PLEKHA2: variants seen among roughly 807,000 people sequenced by gnomAD.
The protein encoded by PLEKHA2 is pleckstrin homology domain-containing family A member 2.
In PLEKHA2, 28 loss-of-function variants were observed where a neutral mutation model predicts 53.2. The observed-to-expected ratio is 0.53, with a 90% CI of 0.39 to 0.72. PLEKHA2 has a LOEUF of 0.72. Ranked by LOEUF, PLEKHA2 falls within the 30% of genes least tolerant of loss-of-function variation. The pLI, the probability that PLEKHA2 is intolerant of heterozygous loss-of-function variation, is 0.00. For synonymous variants in PLEKHA2, 193 were observed against 196.4 expected (o/e 0.98, Z 0.14); for missense variants, 426 against 537.9 (o/e 0.79, Z 2.06).
At chr8:38,905,754 G>A (rs993631129) in intron 1 of PLEKHA2, among the ~76,000 whole-genome samples, 3 of 144,364 alleles carry the variant, frequency 2.1e-5, no homozygotes, top group Admixed American at 7.3e-5. Context: ...GCGCTATCTC[G>A]GCTCACTGCA....
At chr8:38,905,578 GA>G (rs934852867) in intron 1 of PLEKHA2, among the ~76,000 whole-genome samples, 17 of 151,820 alleles carry the variant, frequency 1.1e-4, no homozygotes, top group African/African-American at 4.1e-4. Flanking sequence ...GTCTTTAGAG[GA>G]ACAGAGCTAG....
At chr8:38,957,958 C>T (rs1834971629) in intron 10 of PLEKHA2, among the ~76,000 whole-genome samples, 1 of 152,214 alleles carries the variant, frequency 6.6e-6, no homozygotes, top group East Asian at 1.9e-4. Context: ...CAAGTCCTAA[C>T]CCAGCTTGCC....
At chr8:38,952,911 T>G (rs1392772287) in intron 8 of PLEKHA2, among the ~76,000 whole-genome samples, 1 of 152,336 alleles carries the variant, frequency 6.6e-6, no homozygotes, top group Non-Finnish European at 1.5e-5. Context: ...GTCAGAGTCA[T>G]AGCTACACAA....
intron 9 of PLEKHA2, among the ~76,000 whole-genome samples, chr8:38,954,304 T>C (rs950376236): frequency 6.6e-6 from 1 of 150,954 alleles, no homozygotes; most frequent in African/African-American, 2.4e-5. Context: ...ACTGGGGAGG[T>C]TCCCAGTGAC....
At chr8:38,951,019 G>T (rs756894676) in intron 6 of PLEKHA2, 29 bp downstream of exon 6, 32 of 1,599,626 alleles carry the variant, frequency 2.0e-5, no homozygotes, top group Non-Finnish European at 2.6e-5. Flanking sequence ...GCTGCGGGGG[G>T]AGTGGGGGTG....
chr8:38,913,484 C>T (rs1833986036), intron 1 of PLEKHA2, among the ~76,000 whole-genome samples: 1 of 152,102 alleles, frequency 6.6e-6, no homozygotes, highest in Admixed American at 6.5e-5. Context: ...AGGACAGTTA[C>T]CTTTGCTCTT....
intron 1 of PLEKHA2, among the ~76,000 whole-genome samples, chr8:38,905,211 C>T (rs930228477): frequency 6.6e-6 from 1 of 152,076 alleles, no homozygotes; most frequent in Non-Finnish European, 1.5e-5. Context: ...AATCCCAGGG[C>T]TTTGGGAGGC....
At position 38,969,454 on chromosome 8, in the gene PLEKHA2, C is replaced by T; in HGVS notation, c.949C>T (p.Arg317Ter). Residue 317 changes from arginine (R) to a stop codon, truncating the protein, a stop_gained, in exon 12 of 12, where the codon CGA (arginine) becomes TGA (stop). Transcript: ENST00000617275. LOFTEE classifies it high-confidence loss of function. ...CTTTTCTAGATCCATTTCTTTGACC[C>T]GACCTGGAAGCTCCAGCCTTTCAAG... ...TSFSRSISLT[R>*]PGSSSLSSGP... 4.3e-6 allele frequency: 7 copies of T among 1,613,538 alleles called. No homozygotes were observed. Among genetic ancestry groups the T allele is most frequent in the Non-Finnish European group, 5.9e-6 (7 of 1,179,774 alleles).
chr8:38,905,293 A>T (rs1262517361), intron 1 of PLEKHA2, among the ~76,000 whole-genome samples: 3 of 151,972 alleles, frequency 2.0e-5, no homozygotes, highest in African/African-American at 7.3e-5. Flanking sequence ...CCCCATCTCT[A>T]CAAAAAATTG....
At chr8:38,940,629 C>T (rs112317910) in intron 3 of PLEKHA2, among the ~76,000 whole-genome samples, 21 of 93,386 alleles carry the variant, frequency 2.2e-4, no homozygotes, top group African/African-American at 8.7e-4. Context: ...GAAGTCTATG[C>T]CGTGGTCCAG....
chr8:38,968,517 A>G (rs913305501), intron 10 of PLEKHA2, 75 bp from the exon 11 acceptor site: 1 of 1,410,944 alleles, frequency 7.1e-7, no homozygotes, highest in African/African-American at 1.4e-5. Flanking sequence ...TATAAACTTA[A>G]TATTGAGTCA....
At chr8:38,953,409 T>G in intron 9 of PLEKHA2, 42 bp downstream of exon 9, 1 of 1,528,382 alleles carries the variant, frequency 6.5e-7, no homozygotes, top group South Asian at 1.1e-5. Flanking sequence ...AAACCTCCAT[T>G]TGTCCTCTTA....
intron 4 of PLEKHA2, 107 bp from the exon 5 acceptor site, chr8:38,946,017 A>G (rs1834707117): frequency 2.4e-6 from 2 of 819,634 alleles, no homozygotes; most frequent in African/African-American, 1.7e-5. Flanking sequence ...TGCTTTGTGG[A>G]GTTCACTCAT....
chr8:38,902,507 G>A (rs757195270), intron 1 of PLEKHA2, among the ~76,000 whole-genome samples: 17 of 152,312 alleles, frequency 1.1e-4, no homozygotes, highest in African/African-American at 1.4e-4. Context: ...AGAGGGAGGG[G>A]AGAGCACCCC....
At chr8:38,933,613 C>A in intron 2 of PLEKHA2, among the ~76,000 whole-genome samples, 1 of 151,642 alleles carries the variant, frequency 6.6e-6, no homozygotes. Context: ...GTTGGTCTCC[C>A]TCTGTAAGTC....
chr8:38,951,013 C>CG (rs1834826497), intron 6 of PLEKHA2, 23 bp downstream of exon 6: 4 of 1,332,510 alleles, frequency 3.0e-6, no homozygotes, highest in African/African-American at 3.6e-5. Flanking sequence ...ACTGGGGCTG[C>CG]GGGGGGAGTG....
chr8:38,962,447 A>G (rs1464744265), intron 10 of PLEKHA2, among the ~76,000 whole-genome samples: 1 of 152,204 alleles, frequency 6.6e-6, no homozygotes, highest in African/African-American at 2.4e-5. Context: ...GAGAAGACCA[A>G]CTTGGGGTAA....
intron 10 of PLEKHA2, among the ~76,000 whole-genome samples, chr8:38,959,906 G>A (rs1430993605): frequency 6.6e-6 from 1 of 152,174 alleles, no homozygotes; most frequent in Non-Finnish European, 1.5e-5. Context: ...GTGGTTCAGA[G>A]TTTACAGTGC....
intron 11 of PLEKHA2, 98 bp from the exon 12 acceptor site, chr8:38,969,323 G>A: frequency 7.2e-7 from 1 of 1,389,570 alleles, no homozygotes; most frequent in South Asian, 1.3e-5. Flanking sequence ...CTTATGAGGT[G>A]GTGATCCTGG....
Sources: gnomAD v4.1 joint callset for allele counts (sites outside exome capture counted in the v4.1 genomes callset) on GRCh38, gnomAD v4.1.1 for gene constraint, MANE v1.5 for transcripts, NCBI Gene and HGNC (gene_info 2026-07-23, HGNC 2026-07-21) for gene names.